Variants in IQCE observed in about 807,000 individuals in gnomAD.
IQCE encodes the protein IQ domain-containing protein E.
Under a neutral mutation model 96.0 loss-of-function variants are expected in IQCE, and 115 were observed. The ratio of observed to expected loss-of-function variants is 1.20; its 90% CI spans 1.03 to 1.40. IQCE has a LOEUF of 1.40. Ranked by LOEUF, IQCE falls within the 40% of genes most tolerant of loss-of-function variation. The pLI is 0.00. For missense variants in IQCE, 1,041 were observed against 909.1 expected, an observed-to-expected ratio of 1.15 and a Z score of -1.87; for synonymous variants, 412 against 371.2, an observed-to-expected ratio of 1.11 and a Z score of -1.26.
At position 2,605,481 on chromosome 7, in the gene IQCE, G is replaced by A. The variant is rs565017685; in HGVS notation, c.1744-395G>A. On this transcript the variant is annotated intron_variant, in intron 19 of 21. Coordinates refer to ENST00000402050, the MANE Select transcript of IQCE (RefSeq NM_152558.5). ...TAAAAACACAAAAAATTAGCCGGGC[G>A]TGGTGGCGGGCGCCCGCAGTCCCAG... Among the ~76,000 whole-genome samples the A allele has an allele frequency of 1.1e-4, 16 of 152,196 alleles. No individual in the cohort carries two copies. In the South Asian group the frequency reaches 3.1e-3, roughly 30 times the overall value.
rs2128432072 is a variant in IQCE at position 2,567,563 on chromosome 7, C to G, written c.84+400C>G. On this transcript the variant is annotated intron_variant, in intron 2 of 21. Coordinates refer to ENST00000402050, the MANE Select transcript of IQCE (RefSeq NM_152558.5). ...CCCAAGCTGAACTGCTGCCTGGCCT[C>G]CCAGCCCGGAAAGGAGAGGGGCAGG... 1.3e-5 allele frequency among the ~76,000 whole-genome samples: 2 copies of G among 152,350 alleles called. 1 individual carries two copies. The highest frequency in any genetic ancestry group is 4.1e-4 in the South Asian group (2 of 4,830).
intron 6 of IQCE, among the ~76,000 whole-genome samples, chr7:2,575,988 C>G (rs546923915): frequency 2.0e-5 from 3 of 152,194 alleles, no homozygotes; most frequent in Non-Finnish European, 4.4e-5. Flanking sequence ...GCGGCAGTCC[C>G]GTTACTAGAG....
chr7:2,606,925 T>C (rs1210484173), intron 20 of IQCE, among the ~76,000 whole-genome samples, 199 bp from the exon 21 acceptor site: 1 of 152,154 alleles, frequency 6.6e-6, no homozygotes, highest in Non-Finnish European at 1.5e-5. Flanking sequence ...GGGACGTGTC[T>C]GAGGCTCTTC....
At chr7:2,571,500 C>T (rs1246169238) in intron 3 of IQCE, 26 bp from the exon 4 acceptor site, 1 of 1,604,760 alleles carries the variant, frequency 6.2e-7, no homozygotes, top group Non-Finnish European at 8.5e-7. Flanking sequence ...TCCGGCACCT[C>T]TGAATCCACG....
At chr7:2,562,218 C>T (rs1781014532) in intron 1 of IQCE, among the ~76,000 whole-genome samples, 2 of 149,066 alleles carry the variant, frequency 1.3e-5, no homozygotes, top group South Asian at 2.1e-4. Context: ...ACCAATCTTT[C>T]ATTCTTGGTC....
chr7:2,606,800 C>T (rs1784863668), intron 20 of IQCE, among the ~76,000 whole-genome samples: 1 of 152,158 alleles, frequency 6.6e-6, no homozygotes, highest in Admixed American at 6.5e-5. Context: ...CAAGCATGTC[C>T]CCGGGGAATG....
intron 11 of IQCE, chr7:2,584,553 C>T (rs1782951705): frequency 2.2e-6 from 1 of 454,170 alleles, no homozygotes; most frequent in South Asian, 3.0e-5. Flanking sequence ...TGCCTTCCAG[C>T]TTAGAGCTAG....
chr7:2,572,546 A>G (rs1781833578), intron 5 of IQCE, among the ~76,000 whole-genome samples: 1 of 152,196 alleles, frequency 6.6e-6, no homozygotes, highest in Non-Finnish European at 1.5e-5. Flanking sequence ...GTGCAGGGAT[A>G]TCTCGCCAGG....
At position 2,607,126 on chromosome 7, in the gene IQCE, C is replaced by T. The variant is rs775639646; in HGVS notation, c.1868C>T (p.Ala623Val). ...RAHLARARHSATGKRTTTAAS... is the reference protein window; with the variant it reads ...RAHLARARHSVTGKRTTTAAS... ...TGGCGTTTTCTGTTTTTTTCCAGTGCTACCGGTAAAAGAACCACCACCGCA... is the reference window on the plus strand; with the variant it reads ...TGGCGTTTTCTGTTTTTTTCCAGTGTTACCGGTAAAAGAACCACCACCGCA... Residue 623 changes from alanine to valine, a missense_variant and splice_region_variant, in exon 21 of 22, where the codon GCT (alanine) becomes GTT (valine). Transcript: ENST00000402050. 1.9e-6 allele frequency: 3 copies of T among 1,595,582 alleles called. No homozygotes were observed. The highest frequency in any genetic ancestry group is 2.6e-6 in the Non-Finnish European group (3 of 1,172,454).
chr7:2,591,728 C>G (rs1344113297), intron 14 of IQCE, among the ~76,000 whole-genome samples: 1 of 150,990 alleles, frequency 6.6e-6, no homozygotes, highest in Non-Finnish European at 1.5e-5. Context: ...TCAAGCAATT[C>G]TCATGCCTCA....
intron 21 of IQCE, among the ~76,000 whole-genome samples, chr7:2,608,195 C>G (rs1479348715): frequency 6.6e-6 from 1 of 152,212 alleles, no homozygotes; most frequent in East Asian, 1.9e-4. Context: ...CCCCCCAGTA[C>G]CACTCCAGTA....
In IQCE at chr7:2,579,195, T is replaced by C. The variant is rs542190758; in HGVS notation, c.630+669T>C. On this transcript the variant is annotated intron_variant, in intron 8 of 21. Transcript: ENST00000402050. Reference sequence around the variant, plus strand: ...CAGGGAAGATGTTGCGGTTCGGTGGTAATGCTGTGGCGATCAGCTGTAGGT... The same window carrying C: ...CAGGGAAGATGTTGCGGTTCGGTGGCAATGCTGTGGCGATCAGCTGTAGGT... 5.3e-5 allele frequency among the ~76,000 whole-genome samples: 8 copies of C among 152,260 alleles called. No homozygotes were observed. In the East Asian group the frequency reaches 5.8e-4, roughly 11 times the overall value.
In IQCE at chr7:2,590,461, G is replaced by T. The variant is rs78808221; in HGVS notation, c.1244+355G>T. On this transcript the variant is annotated intron_variant, in intron 14 of 21. Coordinates refer to ENST00000402050, the MANE Select transcript of IQCE (RefSeq NM_152558.5). ...ACATTTTGGTGGTAAAATAAAGGCA[G>T]CTTTAGTGATAAAAAGATACTGGCC... Among the ~76,000 whole-genome samples the T allele has an allele frequency of 2.8e-3, 422 of 152,310 alleles. 5 individuals are homozygous for T. Among genetic ancestry groups the T allele is most frequent in the African/African-American group, 9.4e-3 (389 of 41,560 alleles).
At position 2,614,122 on chromosome 7, in the gene IQCE, T is replaced by A. The variant is rs1346207233; in HGVS notation, c.*3960T>A. The A allele has an allele frequency of 6.7e-6, 1 of 148,222 alleles. No homozygotes were observed. The highest frequency in any genetic ancestry group is 2.5e-5 in the African/African-American group (1 of 39,800). The allele number at this position is 148,222 out of a possible 1,614,324, so 9.2% of individuals were successfully genotyped here. The stretch of plus-strand genomic sequence containing the variant: ...TCCGATGGACCAGAAACCCCCTTCC[T>A]TGCAAAAAAAAGGCAATTGAATTAG... On this transcript the variant is annotated 3_prime_UTR_variant, in exon 22 of 22. Coordinates refer to ENST00000402050, the MANE Select transcript of IQCE (RefSeq NM_152558.5).
At chr7:2,579,429 G>A (rs1000901443) in intron 8 of IQCE, among the ~76,000 whole-genome samples, 1 of 152,154 alleles carries the variant, frequency 6.6e-6, no homozygotes, top group African/African-American at 2.4e-5. Flanking sequence ...ACTGTAATGG[G>A]GGAGGAGAAG....
intron 1 of IQCE, among the ~76,000 whole-genome samples, chr7:2,565,220 C>T (rs931015335): frequency 2.8e-5 from 4 of 141,622 alleles, no homozygotes; most frequent in African/African-American, 8.1e-5. Context: ...ATTTTAGGTG[C>T]GTGCATGAGT....
chr7:2,577,374 G>A (rs1490046975), intron 6 of IQCE, among the ~76,000 whole-genome samples: 17 of 142,998 alleles, frequency 1.2e-4, no homozygotes, highest in African/African-American at 4.2e-4. Context: ...ACGTGTGTGC[G>A]GCGTGCGCGC....
At chr7:2,565,238 CGTGT>C (rs1056772615) in intron 1 of IQCE, among the ~76,000 whole-genome samples, 1 of 140,138 alleles carries the variant, frequency 7.1e-6, no homozygotes, top group Non-Finnish European at 1.5e-5. Context: ...AGTGTGTGTG[CGTGT>C]GTGTGTGTGC....
intron 21 of IQCE, 76 bp from the exon 22 acceptor site, chr7:2,609,965 AGAC>A (rs755638240): frequency 6.4e-6 from 5 of 778,564 alleles, no homozygotes; most frequent in African/African-American, 1.7e-5. Context: ...GGGGAAGAGC[AGAC>A]AGTGTAAGGG....
Sources: allele counts gnomAD v4.1 joint callset (sites outside exome capture counted in the v4.1 genomes callset), GRCh38; gene constraint gnomAD v4.1.1; transcripts MANE v1.5; gene names NCBI Gene and HGNC (gene_info 2026-07-23, HGNC 2026-07-21).